NLGN4X: variants seen among roughly 807,000 people sequenced by gnomAD.
The protein encoded by NLGN4X is neuroligin 4 X-linked, also known as neuroligin-4, X-linked.
NLGN4X carries 3 observed loss-of-function variants against 40.3 expected under a neutral mutation model. The ratio of observed to expected loss-of-function variants is 0.07; its 90% CI spans 0.03 to 0.19. The LOEUF (loss-of-function observed/expected upper bound fraction) is 0.19. Among genes scored for constraint, NLGN4X ranks in the 10% least tolerant of loss-of-function variants. The pLI is 1.00. For synonymous variants in NLGN4X, 270 were observed against 306.8 expected, an observed-to-expected ratio of 0.88 and a Z score of 1.25; for missense variants, 382 against 708.3, an observed-to-expected ratio of 0.54 and a Z score of 5.23.
intron 1 of NLGN4X, among the ~76,000 whole-genome samples, chrX:6,152,931 G>T (rs2040194150): frequency 1.8e-5 from 2 of 112,274 alleles, no homozygotes; most frequent in African/African-American, 6.5e-5. Context: ...ACCTCAATTT[G>T]TCTTTACATA....
At chrX:6,063,484 A>C (rs1240081778) in intron 2 of NLGN4X, among the ~76,000 whole-genome samples, 1 of 111,675 alleles carries the variant, frequency 9.0e-6, no homozygotes, top group Non-Finnish European at 1.9e-5. Context: ...CCCTGTCTTT[A>C]AATAAAACCT....
intron 3 of NLGN4X, among the ~76,000 whole-genome samples, chrX:6,011,202 A>G (rs1230313103): frequency 9.0e-6 from 1 of 110,857 alleles, no homozygotes. Context: ...TGTTGGCACT[A>G]TGAAAACCTG....
intron 1 of NLGN4X, among the ~76,000 whole-genome samples, chrX:6,207,525 T>C (rs949017233): frequency 3.6e-4 from 40 of 112,128 alleles, no homozygotes; most frequent in African/African-American, 1.2e-3. Flanking sequence ...GTAAAACACT[T>C]ACGTTTATGA....
chrX:6,047,573 C>G (rs1242085855), intron 2 of NLGN4X, among the ~76,000 whole-genome samples: 3 of 112,357 alleles, frequency 2.7e-5, no homozygotes, highest in Non-Finnish European at 5.6e-5. Context: ...ACCTTTGTCA[C>G]TTTAGCAGCC....
chrX:6,113,066 CAT>C (rs998809776), intron 2 of NLGN4X, among the ~76,000 whole-genome samples: 2 of 110,395 alleles, frequency 1.8e-5, no homozygotes, highest in Non-Finnish European at 3.8e-5. Context: ...CTGTTAAGGT[CAT>C]GAAAGACAAA....
At chrX:5,937,496 T>C (rs931249654) in intron 3 of NLGN4X, among the ~76,000 whole-genome samples, 1 of 111,881 alleles carries the variant, frequency 8.9e-6, no homozygotes, top group African/African-American at 3.2e-5. Flanking sequence ...CTGAAAGTAA[T>C]CGGCGGACAT....
intron 1 of NLGN4X, among the ~76,000 whole-genome samples, chrX:6,191,156 T>C (rs1922506274): frequency 9.0e-6 from 1 of 110,898 alleles, no homozygotes; most frequent in Non-Finnish European, 1.9e-5. Flanking sequence ...CTAGACTTGG[T>C]TTAACCAGGC....
chrX:6,074,707 T>C (rs748286318), intron 2 of NLGN4X, among the ~76,000 whole-genome samples: 6 of 111,676 alleles, frequency 5.4e-5, no homozygotes. Context: ...GGTAATGGCC[T>C]TTAAGTATGC....
At chrX:5,900,716 G>A (rs1045029639) in intron 5 of NLGN4X, among the ~76,000 whole-genome samples, 2 of 107,640 alleles carry the variant, frequency 1.9e-5, no homozygotes, top group Admixed American at 1.0e-4. Context: ...TGAGACTCTC[G>A]GCATATGCTA....
chrX:6,177,706 G>A (rs1432749888), intron 1 of NLGN4X, among the ~76,000 whole-genome samples: 4 of 111,415 alleles, frequency 3.6e-5, no homozygotes, highest in Non-Finnish European at 5.7e-5. Flanking sequence ...ATTAAAAAAT[G>A]GAAATAGGAC....
chrX:5,911,276 CT>C (rs1447638060), intron 3 of NLGN4X, among the ~76,000 whole-genome samples: 3 of 111,923 alleles, frequency 2.7e-5, no homozygotes, highest in Non-Finnish European at 5.6e-5. Context: ...TGCAGAATGA[CT>C]TGTTGACTTA....
intron 1 of NLGN4X, among the ~76,000 whole-genome samples, chrX:6,157,852 C>A (rs1214805923): frequency 2.5e-4 from 28 of 111,154 alleles, no homozygotes; most frequent in Non-Finnish European, 1.9e-5. Flanking sequence ...GCCTTCAGAC[C>A]ACAGAAGTAT....
At chrX:6,086,141 T>G (rs1161831577) in intron 2 of NLGN4X, among the ~76,000 whole-genome samples, 1 of 112,156 alleles carries the variant, frequency 8.9e-6, no homozygotes, top group Non-Finnish European at 1.9e-5. Context: ...GGATACCAAA[T>G]GAATTATGCC....
chrX:5,982,975 C>T (rs2035430398), intron 3 of NLGN4X, among the ~76,000 whole-genome samples: 1 of 112,635 alleles, frequency 8.9e-6, no homozygotes, highest in African/African-American at 3.2e-5. Flanking sequence ...TGCACTGTTC[C>T]AATCTGGAAG....
chrX:6,096,823 A>G (rs2038787799), intron 2 of NLGN4X, among the ~76,000 whole-genome samples: 1 of 111,664 alleles, frequency 9.0e-6, no homozygotes, highest in African/African-American at 3.3e-5. Flanking sequence ...GCCACAGGGA[A>G]CCTAACCACG....
At chrX:6,210,574 T>C (rs899174276) in intron 1 of NLGN4X, among the ~76,000 whole-genome samples, 7 of 111,950 alleles carry the variant, frequency 6.3e-5, no homozygotes, top group Non-Finnish European at 1.1e-4. Context: ...TCCTTCTGGG[T>C]AGAACACTAC....
rs1467678976 is a variant in NLGN4X, at chrX:6,190,090, T to A, written c.-305-38319A>T. Among the ~76,000 whole-genome samples, 3 of 109,493 alleles carry A rather than the reference T, an allele frequency of 2.7e-5. No individual in the cohort carries two copies. The East Asian group carries it at 8.5e-4, about 31-fold the overall frequency. ...GTATGATTTTCTTCCAATTTGTATG[T>A]TAATGATCAAATGGGGGAGGTGGGA... On this transcript the variant is annotated intron_variant, in intron 1 of 5. Transcript: ENST00000381095.
At chrX:6,000,597 G>A (rs760426421) in intron 3 of NLGN4X, among the ~76,000 whole-genome samples, 13 of 111,362 alleles carry the variant, frequency 1.2e-4, no homozygotes, top group Non-Finnish European at 2.3e-4. Context: ...ACAACGCCAG[G>A]CAAAATGCCT....
chrX:6,089,992 T>C (rs755427694), intron 2 of NLGN4X, among the ~76,000 whole-genome samples: 1 of 111,147 alleles, frequency 9.0e-6, no homozygotes, highest in East Asian at 2.8e-4. Flanking sequence ...TTAGGAATCA[T>C]GTGCTCCCAA....
Sources: allele counts gnomAD v4.1 joint callset (sites outside exome capture counted in the v4.1 genomes callset), GRCh38; gene constraint gnomAD v4.1.1; transcripts MANE v1.5; gene names NCBI Gene and HGNC (gene_info 2026-07-23, HGNC 2026-07-21).